Variants in SOX6 observed in about 807,000 individuals in gnomAD.
SOX6 encodes transcription factor SOX-6.
SOX6 carries 11 observed loss-of-function variants against 97.8 expected under a neutral mutation model. That is an observed-to-expected ratio of 0.11 (90% CI 0.07 to 0.19). The LOEUF is 0.19. Ranked by LOEUF, SOX6 falls within the 10% of genes least tolerant of loss-of-function variation. The pLI, the probability that SOX6 is intolerant of heterozygous loss-of-function variation, is 1.00. For missense variants in SOX6, 810 were observed against 1,039.5 expected, an observed-to-expected ratio of 0.78 and a Z score of 3.04; for synonymous variants, 360 against 371.4, an observed-to-expected ratio of 0.97 and a Z score of 0.35.
At chr11:16,221,824 G>T (rs1199303399) in intron 4 of SOX6, among the ~76,000 whole-genome samples, 10 of 152,026 alleles carry the variant, frequency 6.6e-5, no homozygotes, top group Admixed American at 5.9e-4. Context: ...AAGGAAAAGA[G>T]TTATACACAA....
intron 6 of SOX6, among the ~76,000 whole-genome samples, chr11:16,175,298 G>A (rs1052751321): frequency 6.6e-6 from 1 of 151,826 alleles, no homozygotes; most frequent in Non-Finnish European, 1.5e-5. Context: ...ATAGTGGTAT[G>A]TATTATGCTT....
chr11:16,488,407 C>G (rs1860468161), intron 4 of SOX6, among the ~76,000 whole-genome samples: 1 of 152,032 alleles, frequency 6.6e-6, no homozygotes, highest in African/African-American at 2.4e-5. Flanking sequence ...CATTTACCTC[C>G]CAAAGTTTTT....
intron 6 of SOX6, among the ~76,000 whole-genome samples, chr11:16,144,566 T>A (rs1451380910): frequency 6.6e-6 from 1 of 151,986 alleles, no homozygotes; most frequent in Non-Finnish European, 1.5e-5. Flanking sequence ...CAGCAGCTGG[T>A]TTTTTGAAAA....
intron 3 of SOX6, among the ~76,000 whole-genome samples, chr11:16,277,992 C>T (rs1392174221): frequency 6.6e-6 from 1 of 152,074 alleles, no homozygotes; most frequent in Non-Finnish European, 1.5e-5. Context: ...TTGGCCAATG[C>T]CTGGTATTAC....
chr11:16,099,212 T>C (rs1352883727), intron 7 of SOX6, among the ~76,000 whole-genome samples: 1 of 151,732 alleles, frequency 6.6e-6, no homozygotes, highest in Non-Finnish European at 1.5e-5. Context: ...TTCCATGAGG[T>C]TGATTTTGGT....
chr11:16,353,214 A>G (rs1187731308), intron 1 of SOX6, among the ~76,000 whole-genome samples: 1 of 152,044 alleles, frequency 6.6e-6, no homozygotes, highest in Non-Finnish European at 1.5e-5. Context: ...GAGCTGCCTC[A>G]CTACAAAAGT....
chr11:16,597,896 A>C (rs957207566), intron 4 of SOX6, among the ~76,000 whole-genome samples: 1 of 152,060 alleles, frequency 6.6e-6, no homozygotes, highest in Non-Finnish European at 1.5e-5. Context: ...ACTCTATCCC[A>C]AGTCTTCCAG....
intron 13 of SOX6, among the ~76,000 whole-genome samples, chr11:15,999,189 C>T (rs1442357602): frequency 6.6e-6 from 1 of 151,980 alleles, no homozygotes; most frequent in African/African-American, 2.4e-5. Flanking sequence ...CAAATTGAAA[C>T]CACAATGAGA....
chr11:16,624,106 A>G (rs1848587770), intron 3 of SOX6, among the ~76,000 whole-genome samples: 1 of 152,192 alleles, frequency 6.6e-6, no homozygotes, highest in Non-Finnish European at 1.5e-5. Flanking sequence ...TCTTGAATAT[A>G]GCTTTGTTTA....
intron 1 of SOX6, among the ~76,000 whole-genome samples, chr11:16,346,016 T>TA (rs1203661125): frequency 2.0e-5 from 3 of 152,000 alleles, no homozygotes; most frequent in African/African-American, 7.2e-5. Flanking sequence ...CCAGGTGTGT[T>TA]ACATTTATTC....
At chr11:16,170,125 T>C (rs1370562333) in intron 6 of SOX6, among the ~76,000 whole-genome samples, 3 of 152,044 alleles carry the variant, frequency 2.0e-5, no homozygotes, top group Non-Finnish European at 4.4e-5. Context: ...TGAGAGAAAT[T>C]AAGCCCTCAT....
intron 4 of SOX6, among the ~76,000 whole-genome samples, chr11:16,522,747 G>A (rs1326471539): frequency 8.6e-5 from 13 of 151,992 alleles, no homozygotes; most frequent in East Asian, 1.9e-4. Flanking sequence ...TCCCACGTGC[G>A]GAGACACACA....
chr11:16,523,789 G>C (rs1861110317), intron 4 of SOX6, among the ~76,000 whole-genome samples: 1 of 152,102 alleles, frequency 6.6e-6, no homozygotes, highest in Non-Finnish European at 1.5e-5. Flanking sequence ...AATAAAAAGT[G>C]ATAAAGGGGA....
intron 3 of SOX6, among the ~76,000 whole-genome samples, chr11:16,678,597 G>A (rs1847902381): frequency 6.6e-6 from 1 of 152,270 alleles, no homozygotes; most frequent in Middle Eastern, 3.4e-3. Flanking sequence ...CATTGAGACT[G>A]GTTGGACAGT....
intron 4 of SOX6, among the ~76,000 whole-genome samples, chr11:16,583,636 T>TATATATAC (rs1385821722): frequency 3.2e-4 from 28 of 87,116 alleles, no homozygotes; most frequent in African/African-American, 1.1e-3. Flanking sequence ...TATATATATA[T>TATATATAC]ACACATACAC....
intron 4 of SOX6, among the ~76,000 whole-genome samples, chr11:16,588,869 A>T (rs1354049012): frequency 6.6e-6 from 1 of 152,116 alleles, no homozygotes; most frequent in Non-Finnish European, 1.5e-5. Flanking sequence ...TCTCTTTTTT[A>T]AAAATTAAAA....
chr11:16,336,143 A>C (rs1856452783), intron 2 of SOX6, among the ~76,000 whole-genome samples: 1 of 152,152 alleles, frequency 6.6e-6, no homozygotes, highest in African/African-American at 2.4e-5. Flanking sequence ...TCAATATAAG[A>C]ATGTGTGTAA....
intron 3 of SOX6, among the ~76,000 whole-genome samples, chr11:16,649,018 C>A (rs1481496771): frequency 5.9e-5 from 9 of 151,878 alleles, no homozygotes; most frequent in Non-Finnish European, 8.8e-5. Context: ...GAAGAAAGAA[C>A]TTCAGAGCTC....
intron 2 of SOX6, among the ~76,000 whole-genome samples, chr11:16,717,461 G>A (rs1848227130): frequency 1.3e-5 from 2 of 152,032 alleles, no homozygotes; most frequent in Admixed American, 6.5e-5. Context: ...GTCACCAAAT[G>A]TTATTCATTT....
Sources: gnomAD v4.1 joint callset for allele counts (sites outside exome capture counted in the v4.1 genomes callset) on GRCh38, gnomAD v4.1.1 for gene constraint, MANE v1.5 for transcripts, NCBI Gene and HGNC (gene_info 2026-07-23, HGNC 2026-07-21) for gene names.